The following METTL15 variants were observed in gnomAD, a reference collection of about 807,000 sequenced individuals.
The protein encoded by METTL15 is 12S rRNA N(4)-cytidine methyltransferase METTL15.
METTL15 carries 34 observed loss-of-function variants against 38.3 expected under a neutral mutation model. The observed-to-expected ratio is 0.89, with a 90% confidence interval of 0.68 to 1.18. METTL15 has a LOEUF of 1.18. Among genes scored for constraint, METTL15 ranks in the 50% most tolerant of loss-of-function variants. The pLI is 0.00. For missense variants in METTL15, 438 were observed against 498.4 expected, an observed-to-expected ratio of 0.88 and a Z score of 1.15; for synonymous variants, 162 against 170.9, an observed-to-expected ratio of 0.95 and a Z score of 0.41.
chr11:28,214,635 GTAAT>G (rs1852787023), intron 4 of METTL15, among the ~76,000 whole-genome samples: 3 of 152,092 alleles, frequency 2.0e-5, no homozygotes, highest in African/African-American at 7.2e-5. Flanking sequence ...AGGACAAGCA[GTAAT>G]TATTTTCCTA....
intron 5 of METTL15, among the ~76,000 whole-genome samples, chr11:28,371,953 C>T (rs1171453685): frequency 3.3e-5 from 5 of 151,924 alleles, no homozygotes; most frequent in African/African-American, 2.4e-5. Flanking sequence ...ATTGAACTTC[C>T]TCTTTTTCTA....
intron 3 of METTL15, among the ~76,000 whole-genome samples, chr11:28,206,418 A>G (rs1224589165): frequency 2.0e-5 from 3 of 152,052 alleles, no homozygotes; most frequent in African/African-American, 7.2e-5. Context: ...AGATGGTTGT[A>G]GATGTATGGT....
intron 6 of METTL15, among the ~76,000 whole-genome samples, chr11:28,481,356 C>T (rs1392337930): frequency 6.6e-6 from 1 of 152,114 alleles, no homozygotes; most frequent in Non-Finnish European, 1.5e-5. Context: ...TGAATACAGC[C>T]CATAGGAAAC....
chr11:28,277,800 A>C (rs754831291), intron 4 of METTL15, among the ~76,000 whole-genome samples: 2 of 152,290 alleles, frequency 1.3e-5, no homozygotes. Flanking sequence ...CTGGGCACAT[A>C]AAGACAAATA....
chr11:28,524,198 G>T (rs951915018), intron 6 of METTL15, among the ~76,000 whole-genome samples: 19 of 152,248 alleles, frequency 1.2e-4, no homozygotes, highest in Non-Finnish European at 2.4e-4. Flanking sequence ...AAAAATTTTT[G>T]ATTTTTTTGA....
chr11:28,519,859 C>T (rs1289209898), intron 6 of METTL15, among the ~76,000 whole-genome samples: 4 of 152,160 alleles, frequency 2.6e-5, no homozygotes, highest in Non-Finnish European at 2.9e-5. Flanking sequence ...GTGACACTGT[C>T]AAGGTCACTT....
At chr11:28,513,133 C>G (rs1331586605) in intron 6 of METTL15, among the ~76,000 whole-genome samples, 17 of 152,166 alleles carry the variant, frequency 1.1e-4, no homozygotes. Flanking sequence ...CTTCCAGACT[C>G]AAACTGTAGG....
At chr11:28,506,738 T>C (rs1461997763) in intron 6 of METTL15, among the ~76,000 whole-genome samples, 1 of 33,584 alleles carries the variant, frequency 3.0e-5, no homozygotes, top group Non-Finnish European at 7.8e-5. Flanking sequence ...CTCAGTCTCT[T>C]TTTTTTTTTT....
intron 6 of METTL15, among the ~76,000 whole-genome samples, chr11:28,329,919 A>G (rs1050503653): frequency 8.5e-5 from 13 of 152,256 alleles, no homozygotes; most frequent in Middle Eastern, 3.4e-3. Context: ...GTGTGCTCAT[A>G]AAAAATTAGC....
chr11:28,165,292 T>C (rs1415461585), intron 3 of METTL15, among the ~76,000 whole-genome samples: 2 of 152,114 alleles, frequency 1.3e-5, no homozygotes, highest in East Asian at 3.8e-4. Context: ...TAATTTATCT[T>C]CCCACCAACA....
intron 6 of METTL15, among the ~76,000 whole-genome samples, chr11:28,487,120 G>A (rs1384249303): frequency 2.0e-5 from 3 of 152,054 alleles, no homozygotes; most frequent in Non-Finnish European, 2.9e-5. Flanking sequence ...TATTTGCACA[G>A]CCTTTCTGGG....
rs1046155005 is a variant in METTL15, at chr11:28,332,683, G to A, written c.*1842G>A. 2 of 150,986 alleles carry A rather than the reference G, an allele frequency of 1.3e-5. No individual in the cohort carries two copies. Among genetic ancestry groups the A allele is most frequent in the African/African-American group, 2.5e-5 (1 of 40,704 alleles). 9.4% of individuals were successfully genotyped at this position (150,986 alleles called of 1,614,324 possible). Reference sequence around the variant, plus strand: ...TATAAGAGAAGATAGGGCGGGCATGGTGGCTCACGCCTGTAATCCCAGCAC... The same window carrying A: ...TATAAGAGAAGATAGGGCGGGCATGATGGCTCACGCCTGTAATCCCAGCAC... On this transcript the variant is annotated 3_prime_UTR_variant, in exon 7 of 7. Coordinates refer to ENST00000407364, the MANE Select transcript of METTL15 (RefSeq NM_001113528.2).
At chr11:28,305,709 A>T (rs1857060712) in intron 6 of METTL15, among the ~76,000 whole-genome samples, 1 of 152,104 alleles carries the variant, frequency 6.6e-6, no homozygotes, top group African/African-American at 2.4e-5. Flanking sequence ...AAATGCTATA[A>T]ATAATGGAGT....
intron 5 of METTL15, among the ~76,000 whole-genome samples, chr11:28,383,716 A>G (rs1850411848): frequency 6.6e-6 from 1 of 151,934 alleles, no homozygotes; most frequent in African/African-American, 2.4e-5. Flanking sequence ...ATGTTTAGTG[A>G]TGTTGAGCAT....
chr11:28,118,390 A>G (rs946537696), intron 3 of METTL15, among the ~76,000 whole-genome samples: 2 of 152,192 alleles, frequency 1.3e-5, no homozygotes, highest in African/African-American at 2.4e-5. Flanking sequence ...TTTAATTGTT[A>G]AGGAGAAATT....
Position 28,209,177 on chromosome 11 carries a change from T to G in METTL15, c.271-1885T>G, listed in dbSNP as rs562808812. 2.6e-5 allele frequency among the ~76,000 whole-genome samples: 4 copies of G among 152,154 alleles called. No homozygotes were observed. In the East Asian group the frequency reaches 5.8e-4, roughly 22 times the overall value. On this transcript the variant is annotated intron_variant, in intron 3 of 6. Transcript: ENST00000407364. The stretch of plus-strand genomic sequence containing the variant: ...ATGATGATTTTTCTTTAAATATTGA[T>G]TGGGACTTTCTTGTCTCAGAATAAG...
At chr11:28,458,248 T>C (rs1319164535) in intron 6 of METTL15, among the ~76,000 whole-genome samples, 1 of 152,240 alleles carries the variant, frequency 6.6e-6, no homozygotes, top group Non-Finnish European at 1.5e-5. Context: ...TAGTACAGAT[T>C]GCAGAAATGG....
chr11:28,360,288 C>T (rs1055881813), intron 4 of METTL15, among the ~76,000 whole-genome samples: 2 of 152,210 alleles, frequency 1.3e-5, no homozygotes, highest in African/African-American at 4.8e-5. Context: ...AATTCCACCA[C>T]CTCACCTCTC....
chr11:28,375,447 T>G (rs1333627699), intron 5 of METTL15, among the ~76,000 whole-genome samples: 2 of 151,968 alleles, frequency 1.3e-5, no homozygotes, highest in Non-Finnish European at 2.9e-5. Flanking sequence ...TTCTAGTTTA[T>G]TTGCATAGAG....
Sources: allele counts gnomAD v4.1 joint callset (sites outside exome capture counted in the v4.1 genomes callset), GRCh38; gene constraint gnomAD v4.1.1; transcripts MANE v1.5; gene names NCBI Gene and HGNC (gene_info 2026-07-23, HGNC 2026-07-21).